The following TRAF3IP2 variants were observed in gnomAD, a reference collection of about 807,000 sequenced individuals.
TRAF3IP2 encodes the protein E3 ubiquitin ligase TRAF3IP2.
TRAF3IP2 carries 35 observed loss-of-function variants against 57.9 expected under a neutral mutation model. The observed-to-expected ratio is 0.60, with a 90% CI of 0.46 to 0.80. The LOEUF (loss-of-function observed/expected upper bound fraction) is 0.80. Ranked by LOEUF, TRAF3IP2 falls within the 30% of genes least tolerant of loss-of-function variation. The pLI is 0.00. For synonymous variants in TRAF3IP2, 251 were observed against 268.9 expected (o/e 0.93, Z 0.65); for missense variants, 556 against 706.4 (o/e 0.79, Z 2.41).
intron 2 of TRAF3IP2, among the ~76,000 whole-genome samples, chr6:111,580,875 C>T (rs1434204959): frequency 1.3e-5 from 2 of 149,882 alleles, no homozygotes; most frequent in African/African-American, 4.8e-5. Flanking sequence ...CACACACACA[C>T]CCCACTCTCC....
At position 111,564,144 on chromosome 6, in the gene TRAF3IP2, A is replaced by C. The variant is rs73767607; in HGVS notation, c.1477-1105T>G. ...CCATAGAAACCCCTCATAAACACAC[A>C]CTCTCACATAGTTGCATACGCACAC... On this transcript the variant is annotated intron_variant, in intron 7 of 8. Transcript: ENST00000368761. Among the ~76,000 whole-genome samples the C allele has an allele frequency of 8.3e-3, 1,266 of 151,750 alleles. 18 individuals carry two copies. Among genetic ancestry groups the C allele is most frequent in the African/African-American group, 0.029 (1,208 of 41,256 alleles).
At chr6:111,565,388 A>G (rs1795603557) in intron 7 of TRAF3IP2, 1 of 152,104 alleles carries the variant, frequency 6.6e-6, no homozygotes, top group Non-Finnish European at 1.5e-5. Context: ...GAAGTGTTAG[A>G]GCTGAAATGG....
intron 6 of TRAF3IP2, 44 bp from the exon 7 acceptor site, chr6:111,566,604 G>C: frequency 6.5e-7 from 1 of 1,550,200 alleles, no homozygotes; most frequent in South Asian, 1.1e-5. Flanking sequence ...AAGTGTACCA[G>C]CAGGACTGTG....
At chr6:111,596,103 C>T (rs1796683710) in intron 1 of TRAF3IP2, among the ~76,000 whole-genome samples, 1 of 152,134 alleles carries the variant, frequency 6.6e-6, no homozygotes, top group South Asian at 2.1e-4. Context: ...CCTGGTCGCA[C>T]TCCCTAAAAT....
intron 1 of TRAF3IP2, 29 bp from the exon 2 acceptor site, chr6:111,592,123 T>C: frequency 6.4e-7 from 1 of 1,568,956 alleles, no homozygotes; most frequent in South Asian, 1.1e-5. Context: ...TGCTATAGCC[T>C]TAGAAGACAG....
chr6:111,558,659 T>C lies in TRAF3IP2; in HGVS notation c.*746A>G, dbSNP rs1439004782. The C allele has an allele frequency of 6.6e-6, 1 of 152,194 alleles. No individual in the cohort carries two copies. The highest frequency in any genetic ancestry group is 2.4e-5 in the African/African-American group (1 of 41,430). 9.4% of individuals were successfully genotyped at this position (152,194 alleles called of 1,614,324 possible). A position where few individuals can be genotyped will look rare whatever the true frequency, so the allele number is the denominator to read the frequency against. The stretch of plus-strand genomic sequence containing the variant: ...CATGTTGGCCAGGCTGGTCTCAAAC[T>C]CCTGACCTCAAATGATCTGCCTGCC... On this transcript the variant is annotated 3_prime_UTR_variant, in exon 9 of 9. Transcript: ENST00000368761.
chr6:111,589,401 T>C (rs403667), intron 2 of TRAF3IP2, among the ~76,000 whole-genome samples: 16,574 of 152,268 alleles, frequency 0.11, 1,209 homozygotes, highest in Middle Eastern at 0.22. Flanking sequence ...AACAGAATGT[T>C]AAAAAGTAGT....
At chr6:111,578,665 G>A (rs1796067143) in intron 3 of TRAF3IP2, among the ~76,000 whole-genome samples, 1 of 152,088 alleles carries the variant, frequency 6.6e-6, no homozygotes, top group Non-Finnish European at 1.5e-5. Context: ...GAAAAAAAGA[G>A]ATCTGTCTTG....
At chr6:111,592,194 A>G in intron 1 of TRAF3IP2, 100 bp from the exon 2 acceptor site, 1 of 1,022,032 alleles carries the variant, frequency 9.8e-7, no homozygotes, top group Non-Finnish European at 1.5e-6. Flanking sequence ...TGTGGTTTAA[A>G]TTAACAGTGA....
At chr6:111,563,171 T>C (rs1449189766) in intron 7 of TRAF3IP2, 132 bp from the exon 8 acceptor site, 2 of 661,190 alleles carry the variant, frequency 3.0e-6, no homozygotes, top group African/African-American at 3.6e-5. Flanking sequence ...CTTAACATTT[T>C]AAGGCCTCCC....
chr6:111,580,561 T>C (rs1477617906), intron 2 of TRAF3IP2, among the ~76,000 whole-genome samples, 172 bp from the exon 3 acceptor site: 1 of 152,232 alleles, frequency 6.6e-6, no homozygotes, highest in African/African-American at 2.4e-5. Flanking sequence ...TACTTGAGTG[T>C]TTTCACGAAA....
At chr6:111,561,775 A>G (rs1795453438) in intron 8 of TRAF3IP2, among the ~76,000 whole-genome samples, 1 of 152,164 alleles carries the variant, frequency 6.6e-6, no homozygotes, top group African/African-American at 2.4e-5. Context: ...GCTACCAAGA[A>G]ACAGATCAGA....
chr6:111,603,711 G>A (rs1253226983), intron 1 of TRAF3IP2, among the ~76,000 whole-genome samples: 1 of 152,114 alleles, frequency 6.6e-6, no homozygotes, highest in African/African-American at 2.4e-5. Flanking sequence ...CTTAATCCCA[G>A]GAGAAGCAGG....
chr6:111,601,269 G>A, intron 1 of TRAF3IP2: 1 of 746,402 alleles, frequency 1.3e-6, no homozygotes, highest in Non-Finnish European at 2.5e-6. Context: ...ATCTGCCATG[G>A]CTTTCCTTCA....
In TRAF3IP2 at chr6:111,559,196, G is replaced by A; in HGVS notation, c.*209C>T. ...GGTTTTTTTAAAAGCAGAGAATGCA[G>A]AGCAGTCACAGACTCCACTTCAAAG... On this transcript the variant is annotated 3_prime_UTR_variant, in exon 9 of 9. Coordinates refer to ENST00000368761, the MANE Select transcript of TRAF3IP2 (RefSeq NM_147686.4). 2 of 549,202 alleles carry A rather than the reference G, an allele frequency of 3.6e-6. No homozygotes were observed. 34.0% of individuals were successfully genotyped at this position (549,202 alleles called of 1,614,324 possible). A position where few individuals can be genotyped will look rare whatever the true frequency, so the allele number is the denominator to read the frequency against.
In TRAF3IP2 at chr6:111,571,986, ATAACT is replaced by A. The variant is rs1208382810; in HGVS notation, c.1290+904_1290+908del. Among the ~76,000 whole-genome samples the A allele has an allele frequency of 2.0e-5, 3 of 152,278 alleles. No individual in the cohort carries two copies. The East Asian group carries it at 5.8e-4, about 29-fold the overall frequency. ...AAAAACTCCTGTTAAACAATACTAA[ATAACT>A]TTTAAAATTGATATTTAGTTACTAA... On this transcript the variant is annotated intron_variant, in intron 5 of 8. Coordinates refer to ENST00000368761, the MANE Select transcript of TRAF3IP2 (RefSeq NM_147686.4).
chr6:111,595,665 T>C (rs1323171504), intron 1 of TRAF3IP2, among the ~76,000 whole-genome samples: 1 of 151,844 alleles, frequency 6.6e-6, no homozygotes, highest in African/African-American at 2.4e-5. Context: ...CCGCCTCTAC[T>C]AAAAATACAA....
intron 3 of TRAF3IP2, among the ~76,000 whole-genome samples, chr6:111,577,834 C>T (rs1379507335): frequency 6.6e-6 from 1 of 152,162 alleles, no homozygotes; most frequent in Non-Finnish European, 1.5e-5. Context: ...GCCTCAGCCT[C>T]CTTAGTAGCT....
At chr6:111,569,808 C>G (rs1163517189) in intron 5 of TRAF3IP2, among the ~76,000 whole-genome samples, 1 of 152,126 alleles carries the variant, frequency 6.6e-6, no homozygotes, top group Non-Finnish European at 1.5e-5. Flanking sequence ...TCCAAGCACT[C>G]TAAATTATTC....
Sources: gnomAD v4.1 joint callset for allele counts (sites outside exome capture counted in the v4.1 genomes callset) on GRCh38, gnomAD v4.1.1 for gene constraint, MANE v1.5 for transcripts, NCBI Gene and HGNC (gene_info 2026-07-23, HGNC 2026-07-21) for gene names.